The following CECR2 variants were observed in gnomAD, a reference collection of about 807,000 sequenced individuals.
The protein encoded by CECR2 is chromatin remodeling regulator CECR2.
A neutral mutation model predicts 154.5 loss-of-function variants in CECR2; 30 were observed. The observed-to-expected ratio is 0.19, with a 90% CI of 0.15 to 0.26. The LOEUF (loss-of-function observed/expected upper bound fraction) is 0.26. Ranked by LOEUF, CECR2 falls within the 10% of genes least tolerant of loss-of-function variation. The pLI is 1.00. For missense variants in CECR2, 1,743 were observed against 1,829.3 expected, an observed-to-expected ratio of 0.95 and a Z score of 0.86; for synonymous variants, 725 against 683.7, an observed-to-expected ratio of 1.06 and a Z score of -0.94.
intron 13 of CECR2, 171 bp downstream of exon 13, chr22:17,539,290 T>G: frequency 1.4e-6 from 1 of 699,464 alleles, no homozygotes; most frequent in Non-Finnish European, 2.3e-6. Flanking sequence ...TGCCAGGGAT[T>G]CTCTCCTGCC....
intron 1 of CECR2, among the ~76,000 whole-genome samples, chr22:17,431,346 A>C (rs2054418853): frequency 6.6e-6 from 1 of 152,226 alleles, no homozygotes; most frequent in African/African-American, 2.4e-5. Flanking sequence ...TACTCACCTC[A>C]CAAGGTTGAT....
intron 8 of CECR2, among the ~76,000 whole-genome samples, chr22:17,523,680 C>T (rs2056197795): frequency 6.8e-6 from 1 of 147,898 alleles, no homozygotes; most frequent in Non-Finnish European, 1.5e-5. Flanking sequence ...GGCGTGAACC[C>T]GGGAGGCAGA....
chr22:17,538,345 A>T (rs533429416), intron 10 of CECR2, among the ~76,000 whole-genome samples, 175 bp from the exon 11 acceptor site: 1 of 152,240 alleles, frequency 6.6e-6, no homozygotes, highest in South Asian at 2.1e-4. Context: ...GCTAAGGTCC[A>T]CTGTCCCTCA....
intron 1 of CECR2, among the ~76,000 whole-genome samples, chr22:17,436,210 G>A (rs944511085): frequency 1.1e-4 from 17 of 152,246 alleles, no homozygotes; most frequent in African/African-American, 2.2e-4. Context: ...TGCCCGCCTC[G>A]GCTTCCCAAA....
intron 9 of CECR2, among the ~76,000 whole-genome samples, chr22:17,526,896 A>G (rs183853014): frequency 6.6e-6 from 1 of 151,976 alleles, no homozygotes; most frequent in Non-Finnish European, 1.5e-5. Flanking sequence ...ACCCTCTAGG[A>G]CATTGATTTC....
chr22:17,390,293 G>A (rs529695345), intron 1 of CECR2, among the ~76,000 whole-genome samples: 1 of 152,042 alleles, frequency 6.6e-6, no homozygotes, highest in South Asian at 2.1e-4. Flanking sequence ...TGGGTCATGT[G>A]TTTTTGGCGG....
intron 16 of CECR2, among the ~76,000 whole-genome samples, chr22:17,545,317 G>T (rs1242548328): frequency 7.1e-6 from 1 of 141,142 alleles, no homozygotes; most frequent in Non-Finnish European, 1.5e-5. Context: ...GGAGCTTGCA[G>T]TGAGCCGAGA....
chr22:17,412,179 A>G (rs2146569819), intron 1 of CECR2, among the ~76,000 whole-genome samples: 1 of 152,312 alleles, frequency 6.6e-6, no homozygotes, highest in South Asian at 2.1e-4. Context: ...CTGCATGTCA[A>G]ATAAACAATG....
chr22:17,427,876 G>A (rs561880883), intron 1 of CECR2, among the ~76,000 whole-genome samples: 3 of 152,112 alleles, frequency 2.0e-5, no homozygotes, highest in Non-Finnish European at 4.4e-5. Context: ...AGTATTTCTC[G>A]TTCTAGATCC....
chr22:17,382,611 A>G (rs188813718), intron 1 of CECR2, among the ~76,000 whole-genome samples: 4 of 152,366 alleles, frequency 2.6e-5, no homozygotes, highest in Admixed American at 2.6e-4. Context: ...ACCTTAATTA[A>G]AAAATATTTT....
At chr22:17,525,516 G>A (rs890282434) in intron 9 of CECR2, among the ~76,000 whole-genome samples, 1 of 151,982 alleles carries the variant, frequency 6.6e-6, no homozygotes, top group Non-Finnish European at 1.5e-5. Context: ...TGAGGTGGGA[G>A]AATTGCTTGA....
intron 1 of CECR2, among the ~76,000 whole-genome samples, chr22:17,451,116 A>G (rs1044835231): frequency 3.3e-5 from 5 of 152,244 alleles, no homozygotes; most frequent in African/African-American, 4.8e-5. Context: ...TGCCAGCTTC[A>G]TCTACCTGAA....
intron 1 of CECR2, among the ~76,000 whole-genome samples, chr22:17,442,998 A>G (rs777243534): frequency 2.6e-5 from 4 of 152,164 alleles, no homozygotes; most frequent in Non-Finnish European, 4.4e-5. Context: ...CCTTTCTTCT[A>G]TTGGAATAGT....
intron 1 of CECR2, among the ~76,000 whole-genome samples, chr22:17,446,574 G>A (rs573965400): frequency 3.5e-4 from 53 of 151,378 alleles, no homozygotes; most frequent in African/African-American, 1.2e-3. Flanking sequence ...AAAATTAGCC[G>A]GGTGTGGTGG....
chr22:17,448,841 C>G (rs1259791611), intron 1 of CECR2, among the ~76,000 whole-genome samples: 1 of 151,978 alleles, frequency 6.6e-6, no homozygotes, highest in African/African-American at 2.4e-5. Flanking sequence ...TTCTGTTCTT[C>G]TTTCTCCTTT....
At position 17,551,962 on chromosome 22, in the gene CECR2, A is replaced by G. The variant is rs1272378678; in HGVS notation, c.4278-69A>G. On this transcript the variant is annotated intron_variant, in intron 17 of 18. Coordinates refer to ENST00000262608, the MANE Select transcript of CECR2 (RefSeq NM_001290047.2). ...ATGAAGGCAGTACCCTCGTGACTAC[A>G]GTGTCTTGTTTCTTCTGTCGTTAAC... 14 of 1,435,572 alleles carry G rather than the reference A, an allele frequency of 9.8e-6. No homozygotes were observed. In the South Asian group the frequency reaches 1.4e-4, roughly 14 times the overall value. The allele number at this position is 1,435,572 out of a possible 1,614,324, so 88.9% of individuals were successfully genotyped here. A position where few individuals can be genotyped will look rare whatever the true frequency, so the allele number is the denominator to read the frequency against.
intron 9 of CECR2, among the ~76,000 whole-genome samples, chr22:17,531,957 C>G (rs2056362032): frequency 6.6e-6 from 1 of 152,080 alleles, no homozygotes; most frequent in Non-Finnish European, 1.5e-5. Context: ...TTACTTGAGT[C>G]CTGGAGTTCA....
intron 1 of CECR2, among the ~76,000 whole-genome samples, chr22:17,458,053 C>G (rs879496442): frequency 6.6e-6 from 1 of 151,972 alleles, no homozygotes; most frequent in African/African-American, 2.4e-5. Context: ...ACAAGGGAGC[C>G]CTGTGGTGAT....
At chr22:17,413,408 G>A (rs1216322221) in intron 1 of CECR2, among the ~76,000 whole-genome samples, 1 of 152,214 alleles carries the variant, frequency 6.6e-6, no homozygotes, top group South Asian at 2.1e-4. Flanking sequence ...ATGTATTGCT[G>A]TGTCTTGGCC....
Sources: gnomAD v4.1 joint callset for allele counts (sites outside exome capture counted in the v4.1 genomes callset) on GRCh38, gnomAD v4.1.1 for gene constraint, MANE v1.5 for transcripts, NCBI Gene and HGNC (gene_info 2026-07-23, HGNC 2026-07-21) for gene names.